MKLN1: variants seen among roughly 807,000 people sequenced by gnomAD.
MKLN1 encodes the protein muskelin.
A neutral mutation model predicts 99.0 loss-of-function variants in MKLN1; 18 were observed. The ratio of observed to expected loss-of-function variants is 0.18; its 90% CI spans 0.13 to 0.27. The LOEUF (loss-of-function observed/expected upper bound fraction) is 0.27, where lower values mean the gene tolerates loss of function less well. MKLN1 is among the 10% of genes least tolerant of loss of function. The pLI is 1.00. For synonymous variants in MKLN1, 288 were observed against 293.2 expected (o/e 0.98, Z 0.18); for missense variants, 621 against 875.9 (o/e 0.71, Z 3.67).
chr7:131,434,639 G>A (rs1029329610), intron 9 of MKLN1, among the ~76,000 whole-genome samples: 3 of 151,926 alleles, frequency 2.0e-5, no homozygotes, highest in Non-Finnish European at 4.4e-5. Flanking sequence ...CTGCAGCCTC[G>A]ACCTTCTGGG....
At chr7:131,343,380 T>C (rs1799465489) in intron 1 of MKLN1, among the ~76,000 whole-genome samples, 1 of 152,182 alleles carries the variant, frequency 6.6e-6, no homozygotes, top group African/African-American at 2.4e-5. Context: ...GAAGTGGTGT[T>C]CTTATCCTTA....
intron 3 of MKLN1, among the ~76,000 whole-genome samples, chr7:131,211,386 A>G (rs1378169244): frequency 6.6e-6 from 1 of 152,148 alleles, no homozygotes; most frequent in African/African-American, 2.4e-5. Flanking sequence ...AGAAACATCT[A>G]TTGATTGTCT....
At chr7:131,433,454 A>G (rs1795584973) in intron 9 of MKLN1, among the ~76,000 whole-genome samples, 1 of 152,164 alleles carries the variant, frequency 6.6e-6, no homozygotes, top group Admixed American at 6.5e-5. Context: ...ATTTATATGG[A>G]GACATTTCAA....
At chr7:131,342,594 AAATT>A (rs2116731995) in intron 1 of MKLN1, among the ~76,000 whole-genome samples, 1 of 152,374 alleles carries the variant, frequency 6.6e-6, no homozygotes, top group South Asian at 2.1e-4. Flanking sequence ...TTTTAAAAAC[AAATT>A]AATCTTTTTC....
chr7:131,147,093 C>T (rs1408532304), intron 2 of MKLN1, among the ~76,000 whole-genome samples: 1 of 152,080 alleles, frequency 6.6e-6, no homozygotes, highest in Non-Finnish European at 1.5e-5. Context: ...GGGTCTCCCT[C>T]TGTTGCCCAG....
chr7:131,386,690 T>C (rs1332549336), intron 2 of MKLN1, among the ~76,000 whole-genome samples: 2 of 152,348 alleles, frequency 1.3e-5, no homozygotes, highest in South Asian at 4.1e-4. Flanking sequence ...AAATCTTTGC[T>C]TCTACATCTA....
chr7:131,345,726 T>A (rs1799540724), intron 1 of MKLN1, among the ~76,000 whole-genome samples: 1 of 152,064 alleles, frequency 6.6e-6, no homozygotes, highest in Admixed American at 6.6e-5. Flanking sequence ...AAAAAAAATT[T>A]AAAAATAAGT....
intron 3 of MKLN1, among the ~76,000 whole-genome samples, chr7:131,240,486 AAG>A (rs78809097): frequency 3.3e-5 from 5 of 152,246 alleles, no homozygotes; most frequent in African/African-American, 1.2e-4. Context: ...CCTCAAAATG[AAG>A]AGAGATAAAT....
At chr7:131,294,364 GATAA>G (rs1240625617) in intron 3 of MKLN1, among the ~76,000 whole-genome samples, 4 of 152,178 alleles carry the variant, frequency 2.6e-5, no homozygotes, top group South Asian at 2.1e-4. Context: ...TACAGAAAGA[GATAA>G]AGCAAAAGTG....
rs1269035093 is a variant in MKLN1 at position 131,496,296 on chromosome 7, A to C, written c.*8568A>C. On this transcript the variant is annotated 3_prime_UTR_variant, in exon 18 of 18. Coordinates refer to ENST00000352689, the MANE Select transcript of MKLN1 (RefSeq NM_013255.5). ...CTGGCATGAGCTGGTTGGAGCTTTT[A>C]AACAGAAGTGCTTTATGGGTATCAG... 1 of 152,132 alleles carries C rather than the reference A, an allele frequency of 6.6e-6. No individual in the cohort carries two copies. Among genetic ancestry groups the C allele is most frequent in the East Asian group, 1.9e-4 (1 of 5,200 alleles). 9.4% of individuals were successfully genotyped at this position (152,132 alleles called of 1,614,324 possible).
intron 2 of MKLN1, among the ~76,000 whole-genome samples, chr7:131,165,289 G>A (rs1432573731): frequency 1.3e-5 from 2 of 152,076 alleles, no homozygotes; most frequent in African/African-American, 4.8e-5. Flanking sequence ...AGGTTCAAGC[G>A]ATTTTCCTGC....
At chr7:131,126,421 G>A (rs1232364945) in intron 1 of MKLN1, among the ~76,000 whole-genome samples, 1 of 152,186 alleles carries the variant, frequency 6.6e-6, no homozygotes, top group Non-Finnish European at 1.5e-5. Flanking sequence ...ACTATAGCAT[G>A]TCCTAGATTC....
At chr7:131,320,899 A>T (rs1798762502) in intron 3 of MKLN1, among the ~76,000 whole-genome samples, 1 of 152,248 alleles carries the variant, frequency 6.6e-6, no homozygotes, top group South Asian at 2.1e-4. Context: ...AATACCAGTT[A>T]GAATGGCAAT....
chr7:131,375,244 A>G (rs1229274942), intron 1 of MKLN1, among the ~76,000 whole-genome samples, 180 bp from the exon 2 acceptor site: 2 of 152,170 alleles, frequency 1.3e-5, no homozygotes, highest in Admixed American at 1.3e-4. Context: ...CACCTTTGTC[A>G]TATTTTAAAA....
At chr7:131,463,433 AAG>A (rs960924338) in intron 13 of MKLN1, 69 bp downstream of exon 13, 28 of 1,476,750 alleles carry the variant, frequency 1.9e-5, no homozygotes, top group African/African-American at 2.8e-5. Context: ...TTATTCAAAA[AAG>A]AGAGAAATGA....
At chr7:131,375,394 C>G in intron 1 of MKLN1, 30 bp from the exon 2 acceptor site, 2 of 1,472,158 alleles carry the variant, frequency 1.4e-6, no homozygotes, top group Non-Finnish European at 1.9e-6. Flanking sequence ...TTCATGTTCT[C>G]TTAATTTTTT....
intron 3 of MKLN1, among the ~76,000 whole-genome samples, chr7:131,245,708 T>C (rs1393565909): frequency 6.6e-6 from 1 of 152,244 alleles, no homozygotes; most frequent in East Asian, 1.9e-4. Context: ...CTAGGAGCAA[T>C]AGGCTATGCC....
At chr7:131,398,592 G>A (rs1794430983) in intron 5 of MKLN1, among the ~76,000 whole-genome samples, 1 of 152,050 alleles carries the variant, frequency 6.6e-6, no homozygotes, top group African/African-American at 2.4e-5. Context: ...TACTTAGGAG[G>A]CTGAGGCAGA....
intron 7 of MKLN1, among the ~76,000 whole-genome samples, chr7:131,413,883 C>G (rs1218143053): frequency 6.6e-6 from 1 of 152,110 alleles, no homozygotes; most frequent in African/African-American, 2.4e-5. Context: ...AGATTAGATA[C>G]AAGTTGAATA....
Sources: allele counts gnomAD v4.1 joint callset (sites outside exome capture counted in the v4.1 genomes callset), GRCh38; gene constraint gnomAD v4.1.1; transcripts MANE v1.5; gene names NCBI Gene and HGNC (gene_info 2026-07-23, HGNC 2026-07-21).